FRMD4B: variants seen among roughly 807,000 people sequenced by gnomAD.
FRMD4B encodes FERM domain-containing protein 4B.
A neutral mutation model predicts 141.5 loss-of-function variants in FRMD4B; 74 were observed. That is an observed-to-expected ratio of 0.52 (90% CI 0.43 to 0.63). The LOEUF is 0.63. Ranked by LOEUF, FRMD4B falls within the 30% of genes least tolerant of loss-of-function variation. The pLI is 0.00. For synonymous variants in FRMD4B, 506 were observed against 467.9 expected, an observed-to-expected ratio of 1.08 and a Z score of -1.05; for missense variants, 1,366 against 1,253.4, an observed-to-expected ratio of 1.09 and a Z score of -1.36.
At position 69,169,111 on chromosome 3, in the gene FRMD4B, TGA is replaced by T. The variant is rs2092562782; in HGVS notation, c.*2748_*2749del. ...TATACAATAAATTAACTATTATATC[TGA>T]GAGTGTTCGGCTAATGGGCACGATT... On this transcript the variant is annotated 3_prime_UTR_variant, in exon 23 of 23. Transcript: ENST00000398540. 1.3e-5 allele frequency among the ~76,000 whole-genome samples: 2 copies of T among 151,972 alleles called. No individual in the cohort carries two copies. Among genetic ancestry groups the T allele is most frequent in the Non-Finnish European group, 2.9e-5 (2 of 68,008 alleles).
chr3:69,509,026 T>C (rs1261289325), intron 1 of FRMD4B, among the ~76,000 whole-genome samples: 3 of 152,250 alleles, frequency 2.0e-5, no homozygotes, highest in Admixed American at 6.5e-5. Flanking sequence ...TAATCACCTG[T>C]TGAGGCCAGA....
chr3:69,263,190 G>A (rs1575669746), intron 5 of FRMD4B, among the ~76,000 whole-genome samples: 1 of 152,090 alleles, frequency 6.6e-6, no homozygotes, highest in African/African-American at 2.4e-5. Context: ...CCGGGAGGTG[G>A]AGGTTGCAGT....
At chr3:69,540,613 TAAAAA>T (rs1157655761) in intron 1 of FRMD4B, among the ~76,000 whole-genome samples, 7 of 14,010 alleles carry the variant, frequency 5.0e-4, no homozygotes, top group Admixed American at 1.9e-3. Flanking sequence ...ACTCTGTCTC[TAAAAA>T]AAAAAAAAAA....
At chr3:69,357,763 G>C (rs1575762134) in intron 1 of FRMD4B, among the ~76,000 whole-genome samples, 1 of 152,084 alleles carries the variant, frequency 6.6e-6, no homozygotes, top group South Asian at 2.1e-4. Flanking sequence ...CTGACAGCTG[G>C]GCATAGCACT....
At chr3:69,305,100 G>A (rs1283616250) in intron 3 of FRMD4B, among the ~76,000 whole-genome samples, 1 of 152,166 alleles carries the variant, frequency 6.6e-6, no homozygotes, top group Non-Finnish European at 1.5e-5. Flanking sequence ...GCTGGGATTT[G>A]AATCCAGGGC....
At chr3:69,427,673 T>TTTTTTTTTA (rs1705109958) in intron 2 of FRMD4B, among the ~76,000 whole-genome samples, 1 of 131,978 alleles carries the variant, frequency 7.6e-6, no homozygotes, top group African/African-American at 2.9e-5. Context: ...TTTTTTTTTT[T>TTTTTTTTTA]GAGACAGATT....
chr3:69,249,404 G>A (rs545825632), intron 6 of FRMD4B, among the ~76,000 whole-genome samples, 156 bp from the exon 7 acceptor site: 1 of 152,238 alleles, frequency 6.6e-6, no homozygotes, highest in Admixed American at 6.5e-5. Flanking sequence ...GAAGAATTAG[G>A]CATTGATAAG....
At chr3:69,531,142 A>T (rs142613703) in intron 1 of FRMD4B, among the ~76,000 whole-genome samples, 412 of 152,298 alleles carry the variant, frequency 2.7e-3, no homozygotes, top group African/African-American at 9.5e-3. Context: ...AGTGGGGTGG[A>T]TGGTTTAGCC....
intron 1 of FRMD4B, among the ~76,000 whole-genome samples, chr3:69,371,310 G>T: frequency 6.6e-6 from 1 of 152,168 alleles, no homozygotes; most frequent in Middle Eastern, 3.2e-3. Flanking sequence ...GGGGAAGGGT[G>T]CTGGGAGTTA....
At chr3:69,238,615 C>G (rs1446873276) in intron 7 of FRMD4B, among the ~76,000 whole-genome samples, 1 of 152,138 alleles carries the variant, frequency 6.6e-6, no homozygotes, top group Non-Finnish European at 1.5e-5. Context: ...GAAATCTCAT[C>G]TCTATGGAAA....
intron 1 of FRMD4B, among the ~76,000 whole-genome samples, chr3:69,378,774 C>G (rs1011205613): frequency 6.6e-6 from 1 of 151,984 alleles, no homozygotes; most frequent in African/African-American, 2.4e-5. Context: ...CAATCAAAAT[C>G]TCTCTGTCTT....
rs562390376 is a variant in FRMD4B, at chr3:69,472,126, T to C, written c.-128-39365A>G. ...AGGACTAAAGCTTAAAGTTGGGAATTTCTTTTTCAGGTTCATTACCAGAAT... is the reference window on the plus strand; with the variant it reads ...AGGACTAAAGCTTAAAGTTGGGAATCTCTTTTTCAGGTTCATTACCAGAAT... On this transcript the variant is annotated intron_variant, in intron 1 of 5. Coordinates refer to the FRMD4B transcript ENST00000459638. 1.0e-3 allele frequency: 222 copies of C among 222,370 alleles called. 1 individual carries two copies. In the South Asian group the frequency reaches 0.014, roughly 14 times the overall value. The allele number at this position is 222,370 out of a possible 1,614,324, so 13.8% of individuals were successfully genotyped here.
rs28842889 is a variant in FRMD4B, at chr3:69,349,031, T to A, written c.163-35514A>T. Among the ~76,000 whole-genome samples the A allele has an allele frequency of 8.3e-3, 1,267 of 152,320 alleles. 25 individuals carry two copies. Among genetic ancestry groups the A allele is most frequent in the African/African-American group, 0.029 (1,222 of 41,568 alleles). On this transcript the variant is annotated intron_variant, in intron 1 of 22. Coordinates refer to ENST00000398540, the MANE Select transcript of FRMD4B (RefSeq NM_015123.3). The stretch of plus-strand genomic sequence containing the variant: ...TCATTTAGGAAAAGAGGAAGTCAAA[T>A]TGTCCCTGTTTGCATATGACATGAT...
intron 22 of FRMD4B, among the ~76,000 whole-genome samples, chr3:69,175,858 G>C: frequency 6.8e-6 from 1 of 147,964 alleles, no homozygotes; most frequent in East Asian, 2.0e-4. Context: ...TGGGCTCACT[G>C]CAAGCTCTGC....
chr3:69,348,879 T>A (rs1403312321), intron 1 of FRMD4B, among the ~76,000 whole-genome samples: 5 of 152,160 alleles, frequency 3.3e-5, no homozygotes, highest in African/African-American at 1.2e-4. Flanking sequence ...GTCAATATCA[T>A]ACTGAATGGG....
chr3:69,410,784 G>A (rs1704748025), intron 2 of FRMD4B, among the ~76,000 whole-genome samples: 1 of 130,620 alleles, frequency 7.7e-6, no homozygotes, highest in African/African-American at 2.8e-5. Flanking sequence ...TTTGAGACAG[G>A]GTCTTGCTCT....
chr3:69,457,579 G>A (rs1321694660), intron 1 of FRMD4B, among the ~76,000 whole-genome samples: 3 of 152,170 alleles, frequency 2.0e-5, no homozygotes. Context: ...GGCCGAGGTC[G>A]AAGTGTTAAA....
rs558310852 is a variant in FRMD4B, at chr3:69,455,343, C to T, written c.-128-22582G>A. Among the ~76,000 whole-genome samples, 802 of 152,304 alleles carry T rather than the reference C, an allele frequency of 5.3e-3. 5 individuals carry two copies. Among genetic ancestry groups the T allele is most frequent in the Non-Finnish European group, 8.4e-3 (574 of 68,024 alleles). Reference sequence around the variant, plus strand: ...TCTTTGCAATAAATTTTTGCAGTTGCTTGTTATTTGGGTCTGCACTGCCTT... The same window carrying T: ...TCTTTGCAATAAATTTTTGCAGTTGTTTGTTATTTGGGTCTGCACTGCCTT... On this transcript the variant is annotated intron_variant, in intron 1 of 5. Coordinates refer to the FRMD4B transcript ENST00000459638.
At chr3:69,483,583 T>C (rs966847555) in intron 1 of FRMD4B, among the ~76,000 whole-genome samples, 1 of 152,118 alleles carries the variant, frequency 6.6e-6, no homozygotes, top group Non-Finnish European at 1.5e-5. Flanking sequence ...TATGGGACCA[T>C]ATTGGGAAAT....
Sources: allele counts gnomAD v4.1 joint callset (sites outside exome capture counted in the v4.1 genomes callset), GRCh38; gene constraint gnomAD v4.1.1; transcripts MANE v1.5; gene names NCBI Gene and HGNC (gene_info 2026-07-23, HGNC 2026-07-21).